Variants in TEX9 observed in about 807,000 individuals in gnomAD.
TEX9 encodes the protein testis expressed 9.
TEX9 carries 74 observed loss-of-function variants against 59.6 expected under a neutral mutation model. The ratio of observed to expected loss-of-function variants is 1.24; its 90% CI spans 1.03 to 1.51. The LOEUF (loss-of-function observed/expected upper bound fraction) is 1.51. TEX9 is among the 40% of genes most tolerant of loss of function. TEX9 has a pLI of 0.00. For synonymous variants in TEX9, 186 were observed against 152.2 expected, an observed-to-expected ratio of 1.22 and a Z score of -1.64; for missense variants, 522 against 447.8, an observed-to-expected ratio of 1.17 and a Z score of -1.49.
At chr15:56,382,679 G>A (rs1189012444) in intron 3 of TEX9, among the ~76,000 whole-genome samples, 2 of 152,178 alleles carry the variant, frequency 1.3e-5, no homozygotes, top group Non-Finnish European at 2.9e-5. Flanking sequence ...GCTTGTAATG[G>A]TGGCTGCGTG....
At chr15:56,294,894 G>A (rs2045182302) in intron 1 of TEX9, among the ~76,000 whole-genome samples, 1 of 152,072 alleles carries the variant, frequency 6.6e-6, no homozygotes, top group Non-Finnish European at 1.5e-5. Context: ...AAGAGACCAA[G>A]GTAGAGACTG....
At chr15:56,445,466 C>G (rs2140361649) in intron 12 of TEX9, among the ~76,000 whole-genome samples, 2 of 152,098 alleles carry the variant, frequency 1.3e-5, no homozygotes, top group Middle Eastern at 6.8e-3. Flanking sequence ...AAAGAGTAAA[C>G]AGATTAAAAT....
At chr15:56,276,738 T>G (rs2141429118) in intron 1 of TEX9, among the ~76,000 whole-genome samples, 1 of 152,314 alleles carries the variant, frequency 6.6e-6, no homozygotes, top group South Asian at 2.1e-4. Context: ...TTCTAGATCC[T>G]TGAGGAATCA....
chr15:56,430,299 C>G, intron 12 of TEX9, among the ~76,000 whole-genome samples, 145 bp downstream of exon 12: 1 of 152,142 alleles, frequency 6.6e-6, no homozygotes, highest in East Asian at 1.9e-4. Context: ...TTCAACTTTC[C>G]AGGCTCAAGC....
intron 3 of TEX9, among the ~76,000 whole-genome samples, chr15:56,375,157 C>T (rs2047375430): frequency 6.6e-6 from 1 of 152,122 alleles, no homozygotes; most frequent in Admixed American, 6.5e-5. Flanking sequence ...CCTATTTCTC[C>T]ACATCCTCTC....
chr15:56,246,020 A>AG (rs1332125737), intron 1 of TEX9, among the ~76,000 whole-genome samples: 4 of 152,118 alleles, frequency 2.6e-5, no homozygotes, highest in African/African-American at 9.7e-5. Flanking sequence ...AGAGTCATCG[A>AG]GGGGGTAACG....
chr15:56,447,756 A>T (rs1351426424), downstream of TEX9: 3 of 152,150 alleles, frequency 2.0e-5, no homozygotes, highest in Non-Finnish European at 4.4e-5. Flanking sequence ...CACAATCAAG[A>T]TCATGAACAC....
chr15:56,415,148 T>C lies in TEX9; in HGVS notation c.963+2712T>C, dbSNP rs893300371. On this transcript the variant is annotated intron_variant, in intron 10 of 12. Coordinates refer to ENST00000352903, the Ensembl canonical transcript of TEX9. ...AGCTGGATATCAGACCTTTATCAGA[T>C]GCATAGTTTGCAAAAATTTTCTCCC... 2.4e-4 allele frequency among the ~76,000 whole-genome samples: 36 copies of C among 151,910 alleles called. 1 individual carries two copies. The highest frequency in any genetic ancestry group is 8.3e-4 in the African/African-American group (34 of 41,176).
At chr15:56,294,087 T>A (rs2045162289) in intron 1 of TEX9, among the ~76,000 whole-genome samples, 1 of 152,146 alleles carries the variant, frequency 6.6e-6, no homozygotes, top group South Asian at 2.1e-4. Flanking sequence ...CTGGCTTGGG[T>A]CTTATCTCTA....
chr15:56,426,626 T>TATATACAC (rs1214988827), intron 10 of TEX9, among the ~76,000 whole-genome samples: 687 of 46,900 alleles, frequency 0.015, 16 homozygotes, highest in Middle Eastern at 0.026. Flanking sequence ...TATATATATA[T>TATATACAC]ACACACACAC....
intron 9 of TEX9, among the ~76,000 whole-genome samples, chr15:56,410,631 C>T (rs1263824782): frequency 5.3e-5 from 8 of 152,108 alleles, no homozygotes; most frequent in Admixed American, 1.3e-4. Context: ...TTGTGGCTAT[C>T]ATTTTTCCCC....
the TEX9 span, among the ~76,000 whole-genome samples, chr15:56,460,009 A>AAAAAATATATATATAT: frequency 1.1e-4 from 3 of 26,384 alleles, no homozygotes; most frequent in African/African-American, 1.5e-4. Context: ...AAAAAAAAAA[A>AAAAAATATATATATAT]ATACATATAT....
At chr15:56,394,346 A>G (rs1328795216) in intron 8 of TEX9, 99 bp downstream of exon 8, 4 of 1,083,912 alleles carry the variant, frequency 3.7e-6, no homozygotes, top group African/African-American at 1.6e-5. Flanking sequence ...GATATAAATC[A>G]TAGTTAAATT....
intron 12 of TEX9, among the ~76,000 whole-genome samples, chr15:56,439,824 C>A (rs1157304496): frequency 1.3e-5 from 2 of 149,100 alleles, no homozygotes; most frequent in African/African-American, 4.9e-5. Flanking sequence ...AGGAGAAATT[C>A]TTCAATAACT....
intron 1 of TEX9, among the ~76,000 whole-genome samples, chr15:56,300,666 C>A (rs1395206939): frequency 1.4e-5 from 2 of 144,740 alleles, no homozygotes; most frequent in Non-Finnish European, 3.0e-5. Flanking sequence ...CATTTCTCCT[C>A]CAGTTCCAAG....
intron 1 of TEX9, among the ~76,000 whole-genome samples, chr15:56,310,587 T>C (rs1379077934): frequency 1.3e-5 from 2 of 152,178 alleles, no homozygotes; most frequent in African/African-American, 4.8e-5. Flanking sequence ...CTACTTTCCA[T>C]TGCTGGTCTA....
At chr15:56,404,270 G>A (rs1187156702) in intron 9 of TEX9, among the ~76,000 whole-genome samples, 3 of 152,086 alleles carry the variant, frequency 2.0e-5, no homozygotes. Flanking sequence ...AATCTACAAA[G>A]AACTTAAACA....
At chr15:56,386,373 A>G (rs2047961020) in intron 4 of TEX9, among the ~76,000 whole-genome samples, 1 of 151,986 alleles carries the variant, frequency 6.6e-6, no homozygotes, top group Admixed American at 6.6e-5. Context: ...CATATACATT[A>G]GCTAAAACAT....
chr15:56,247,505 G>A lies in TEX9; in HGVS notation c.-107+3227G>A, dbSNP rs561405637. On this transcript the variant is annotated intron_variant, in intron 1 of 5. Transcript: ENST00000560827. ...AGAGGGAAGATGATTTCAGATAAAG[G>A]GAGTAACATGAGCACTGGTGTGAAG... Among the ~76,000 whole-genome samples, 7 of 152,134 alleles carry A rather than the reference G, an allele frequency of 4.6e-5. No individual in the cohort carries two copies. In the South Asian group the frequency reaches 8.3e-4, roughly 18 times the overall value.
Sources: allele counts gnomAD v4.1 joint callset (sites outside exome capture counted in the v4.1 genomes callset), GRCh38; gene constraint gnomAD v4.1.1; transcripts MANE v1.5; gene names NCBI Gene and HGNC (gene_info 2026-07-23, HGNC 2026-07-21).